Variants in STXBP5L observed in about 807,000 individuals in gnomAD.
The protein encoded by STXBP5L is syntaxin-binding protein 5-like.
A neutral mutation model predicts 144.5 loss-of-function variants in STXBP5L; 65 were observed. The observed-to-expected ratio is 0.45, with a 90% CI of 0.37 to 0.55. STXBP5L has a LOEUF of 0.55. Ranked by LOEUF, STXBP5L falls within the 20% of genes least tolerant of loss-of-function variation. The pLI is 0.00. For missense variants in STXBP5L, 1,298 were observed against 1,405.5 expected, an observed-to-expected ratio of 0.92 and a Z score of 1.22; for synonymous variants, 505 against 469.6, an observed-to-expected ratio of 1.08 and a Z score of -0.97.
intron 7 of STXBP5L, among the ~76,000 whole-genome samples, chr3:121,144,692 T>A (rs1336173960): frequency 6.6e-6 from 1 of 151,958 alleles, no homozygotes; most frequent in Admixed American, 6.6e-5. Flanking sequence ...AGCCAATATG[T>A]GGAAATGGCC....
chr3:121,094,957 G>A (rs1244192543), intron 5 of STXBP5L, among the ~76,000 whole-genome samples: 1 of 151,964 alleles, frequency 6.6e-6, no homozygotes, highest in Non-Finnish European at 1.5e-5. Context: ...AGCTCTTTTA[G>A]GGCAGGCCTG....
chr3:120,965,985 T>C (rs1157591499), intron 3 of STXBP5L, among the ~76,000 whole-genome samples: 2 of 152,004 alleles, frequency 1.3e-5, no homozygotes, highest in Non-Finnish European at 2.9e-5. Flanking sequence ...CTTTTCACTC[T>C]TTTTTTTCTC....
chr3:121,383,032 T>G (rs1418678228), intron 22 of STXBP5L, among the ~76,000 whole-genome samples: 2 of 152,074 alleles, frequency 1.3e-5, no homozygotes, highest in African/African-American at 2.4e-5. Flanking sequence ...CTATAATTCC[T>G]GCACTTTGGA....
intron 5 of STXBP5L, among the ~76,000 whole-genome samples, chr3:121,063,531 G>T (rs753433645): frequency 1.3e-5 from 2 of 152,156 alleles, no homozygotes; most frequent in Non-Finnish European, 2.9e-5. Flanking sequence ...CACTGTGCTG[G>T]GAGATCTCTA....
intron 19 of STXBP5L, among the ~76,000 whole-genome samples, chr3:121,303,649 C>T (rs1216447660): frequency 6.6e-6 from 1 of 152,118 alleles, no homozygotes; most frequent in Non-Finnish European, 1.5e-5. Flanking sequence ...CAATAATAGA[C>T]TGGATTAAGA....
In STXBP5L at chr3:121,045,431, C is replaced by G. The variant is rs1358980549; in HGVS notation, c.370-4C>G. On this transcript the variant is annotated splice_region_variant and splice_polypyrimidine_tract_variant and intron_variant, in intron 4 of 26. Transcript: ENST00000471454. ...ACACTTACTTTATCTTCTTTTTGTTCTAGGGTGCCTTGGTCAGTGCAAGTT... is the reference window on the plus strand; with the variant it reads ...ACACTTACTTTATCTTCTTTTTGTTGTAGGGTGCCTTGGTCAGTGCAAGTT... 6.3e-7 allele frequency: 1 copy of G among 1,596,968 alleles called. No homozygotes were observed. Among genetic ancestry groups the G allele is most frequent in the African/African-American group, 1.3e-5 (1 of 74,106 alleles).
chr3:121,316,371 A>G (rs565144455), intron 19 of STXBP5L, among the ~76,000 whole-genome samples: 1 of 152,324 alleles, frequency 6.6e-6, no homozygotes, highest in East Asian at 1.9e-4. Flanking sequence ...GGTATTTTCC[A>G]GACAAATGAG....
At chr3:121,014,047 C>T (rs1944968825) in intron 3 of STXBP5L, among the ~76,000 whole-genome samples, 1 of 151,666 alleles carries the variant, frequency 6.6e-6, no homozygotes, top group Admixed American at 6.6e-5. Flanking sequence ...GTAGCCTTGC[C>T]ATATAGTTTG....
chr3:121,129,400 T>C (rs1038261932), intron 7 of STXBP5L, among the ~76,000 whole-genome samples: 1 of 151,644 alleles, frequency 6.6e-6, no homozygotes, highest in African/African-American at 2.4e-5. Context: ...CAATACATAT[T>C]GTTGAGTTCC....
intron 20 of STXBP5L, among the ~76,000 whole-genome samples, chr3:121,330,726 C>T (rs2044296574): frequency 6.6e-6 from 1 of 152,180 alleles, no homozygotes; most frequent in Non-Finnish European, 1.5e-5. Context: ...CAGAATAACA[C>T]AGCACCCAAG....
chr3:121,070,121 C>T (rs548286280), intron 5 of STXBP5L, among the ~76,000 whole-genome samples: 10 of 152,266 alleles, frequency 6.6e-5, no homozygotes, highest in African/African-American at 1.7e-4. Flanking sequence ...AGGTGATCAC[C>T]GGCTCAGCCG....
intron 14 of STXBP5L, among the ~76,000 whole-genome samples, chr3:121,248,526 G>A (rs1203828928): frequency 6.6e-6 from 1 of 152,040 alleles, no homozygotes; most frequent in Non-Finnish European, 1.5e-5. Flanking sequence ...AGTTCCTCAT[G>A]GATTCTGGGT....
intron 9 of STXBP5L, among the ~76,000 whole-genome samples, chr3:121,202,264 AT>A (rs2048168807): frequency 6.6e-6 from 1 of 152,042 alleles, no homozygotes; most frequent in Non-Finnish European, 1.5e-5. Context: ...GGTTTTCTTC[AT>A]TTGTTGCTGT....
chr3:121,188,523 C>A (rs190906232), intron 9 of STXBP5L, among the ~76,000 whole-genome samples: 18 of 150,840 alleles, frequency 1.2e-4, no homozygotes, highest in Admixed American at 5.3e-4. Flanking sequence ...ACTTTTAGAC[C>A]AATATCCCTG....
chr3:120,919,113 CAGT>C (rs1391984043), intron 2 of STXBP5L, among the ~76,000 whole-genome samples: 2 of 152,168 alleles, frequency 1.3e-5, no homozygotes, highest in Admixed American at 1.3e-4. Context: ...ATAAAAGACA[CAGT>C]ATGTGTCAAA....
intron 3 of STXBP5L, among the ~76,000 whole-genome samples, chr3:121,040,437 A>T (rs1404930984): frequency 6.6e-6 from 1 of 152,102 alleles, no homozygotes; most frequent in Non-Finnish European, 1.5e-5. Flanking sequence ...TTGCCTCAAC[A>T]TAAACTTTAT....
At chr3:121,389,687 G>T (rs999123141) in intron 22 of STXBP5L, among the ~76,000 whole-genome samples, 5 of 152,192 alleles carry the variant, frequency 3.3e-5, no homozygotes, top group Non-Finnish European at 7.3e-5. Flanking sequence ...CCATGTAGTT[G>T]TGTGGTTTTG....
intron 9 of STXBP5L, among the ~76,000 whole-genome samples, chr3:121,172,722 C>T (rs2046773731): frequency 6.6e-6 from 1 of 152,198 alleles, no homozygotes; most frequent in Non-Finnish European, 1.5e-5. Flanking sequence ...AATGCTTTTA[C>T]ACTGTTGGTG....
At chr3:121,081,319 A>G (rs558767054) in intron 5 of STXBP5L, among the ~76,000 whole-genome samples, 21 of 152,082 alleles carry the variant, frequency 1.4e-4, no homozygotes, top group African/African-American at 2.7e-4. Flanking sequence ...TGGGTAAACT[A>G]TTTCTTCAAA....
Sources: gnomAD v4.1 joint callset for allele counts (sites outside exome capture counted in the v4.1 genomes callset) on GRCh38, gnomAD v4.1.1 for gene constraint, MANE v1.5 for transcripts, NCBI Gene and HGNC (gene_info 2026-07-23, HGNC 2026-07-21) for gene names.